KCNH8: variants seen among roughly 807,000 people sequenced by gnomAD.
KCNH8 encodes the protein voltage-gated delayed rectifier potassium channel KCNH8.
KCNH8 carries 70 observed loss-of-function variants against 103.6 expected under a neutral mutation model. The observed-to-expected ratio is 0.68, with a 90% CI of 0.56 to 0.82. The LOEUF (loss-of-function observed/expected upper bound fraction) is 0.82. Ranked by LOEUF, KCNH8 falls within the 40% of genes least tolerant of loss-of-function variation. The probability of loss-of-function intolerance (pLI) is 0.00; values close to 1 mark genes in which losing one functional copy is unlikely to be tolerated. For missense variants in KCNH8, 1,217 were observed against 1,329.9 expected, an observed-to-expected ratio of 0.92 and a Z score of 1.32; for synonymous variants, 498 against 489.4, an observed-to-expected ratio of 1.02 and a Z score of -0.23.
intron 1 of KCNH8, among the ~76,000 whole-genome samples, chr3:19,194,434 A>G (rs1277896888): frequency 1.3e-5 from 2 of 151,810 alleles, no homozygotes; most frequent in Admixed American, 1.3e-4. Context: ...GACAGGCTTA[A>G]CCCACACTAT....
At chr3:19,451,447 G>A in intron 10 of KCNH8, 43 bp downstream of exon 10, 1 of 1,590,506 alleles carries the variant, frequency 6.3e-7, no homozygotes, top group Admixed American at 1.7e-5. Flanking sequence ...TGACTCTGGA[G>A]CATAAATTAA....
At chr3:19,249,231 TTTC>T (rs941466790) in intron 1 of KCNH8, among the ~76,000 whole-genome samples, 5 of 152,186 alleles carry the variant, frequency 3.3e-5, no homozygotes, top group African/African-American at 1.2e-4. Context: ...AAATGTCATG[TTTC>T]TTCTTTAGGG....
intron 5 of KCNH8, among the ~76,000 whole-genome samples, chr3:19,389,568 C>T (rs1036782864): frequency 1.6e-4 from 25 of 152,024 alleles, no homozygotes; most frequent in African/African-American, 6.0e-4. Context: ...AACTTTTATA[C>T]ATGGAAATAA....
chr3:19,383,768 T>C (rs1169162981), intron 5 of KCNH8, among the ~76,000 whole-genome samples: 2 of 152,202 alleles, frequency 1.3e-5, no homozygotes, highest in Non-Finnish European at 2.9e-5. Context: ...AATTGCATGA[T>C]TGAATATTAT....
intron 5 of KCNH8, among the ~76,000 whole-genome samples, chr3:19,380,053 C>T (rs986471405): frequency 6.6e-6 from 1 of 151,864 alleles, no homozygotes; most frequent in Non-Finnish European, 1.5e-5. Flanking sequence ...CAACCTATAC[C>T]CTGTGAAGAA....
At position 19,347,957 on chromosome 3, in the gene KCNH8, T is replaced by C. The variant is rs2065750452; in HGVS notation, c.803T>C (p.Phe268Ser). The C allele has an allele frequency of 1.2e-6, 2 of 1,612,714 alleles. No homozygotes were observed. Among genetic ancestry groups the C allele is most frequent in the Non-Finnish European group, 1.7e-6 (2 of 1,179,136 alleles). The part of the protein sequence containing the change: ...TVSDIAVEIL[F>S]IIDIILNFRT... The stretch of plus-strand genomic sequence containing the variant: ...AGTGACATTGCAGTGGAGATTCTTT[T>C]TATTATAGGTAAGAACAAACAGCTG... The change falls in exon 5 of 16, where the codon TTT (phenylalanine) becomes TCT (serine). Residue 268 changes from phenylalanine (F) to serine (S), a missense_variant. By Grantham distance (155) the Phe-to-Ser change is radical. This residue lies in a region of KCNH8 where 415 missense variants were observed against 577.4 expected (regional missense o/e 0.72). Transcript: ENST00000328405.
chr3:19,490,250 A>G (rs951152197), intron 11 of KCNH8, among the ~76,000 whole-genome samples: 1 of 152,226 alleles, frequency 6.6e-6, no homozygotes, highest in African/African-American at 2.4e-5. Flanking sequence ...GATGAGCTGC[A>G]GACAAGAACC....
rs1192237604 is a variant in KCNH8, at chr3:19,403,391, TA to T, written c.1177+8081del. On this transcript the variant is annotated intron_variant, in intron 7 of 15. Transcript: ENST00000328405. ...ATATATATATATATATATATATATA[TA>T]TATATATAAAATCCTTCTGTTTATG... 5.5e-3 allele frequency among the ~76,000 whole-genome samples: 526 copies of T among 95,742 alleles called. 5 individuals carry two copies. Among genetic ancestry groups the T allele is most frequent in the Middle Eastern group, 0.023 (4 of 176 alleles). The allele number at this position is 95,742 out of a possible 152,430, so 62.8% of individuals were successfully genotyped here. A position where few individuals can be genotyped will look rare whatever the true frequency, so the allele number is the denominator to read the frequency against.
chr3:19,513,855 C>A (rs1348666374), intron 13 of KCNH8, among the ~76,000 whole-genome samples: 7 of 152,140 alleles, frequency 4.6e-5, no homozygotes, highest in African/African-American at 1.7e-4. Flanking sequence ...TCTTAAAAAT[C>A]ACTTTAGAAT....
intron 11 of KCNH8, among the ~76,000 whole-genome samples, chr3:19,493,888 C>A (rs1200656225): frequency 6.6e-6 from 1 of 152,014 alleles, no homozygotes; most frequent in Non-Finnish European, 1.5e-5. Context: ...GGTACATGTG[C>A]AGGTTTGCTA....
intron 1 of KCNH8, among the ~76,000 whole-genome samples, chr3:19,244,781 G>A (rs1437296991): frequency 3.3e-5 from 5 of 151,924 alleles, no homozygotes; most frequent in Non-Finnish European, 7.4e-5. Context: ...TTTGAGAAGT[G>A]TCTGTTCATG....
intron 1 of KCNH8, among the ~76,000 whole-genome samples, chr3:19,219,720 C>T (rs2063853445): frequency 6.6e-6 from 1 of 152,076 alleles, no homozygotes; most frequent in South Asian, 2.1e-4. Context: ...TCTGAGAGCT[C>T]AAAGCATTCT....
chr3:19,401,231 G>A (rs1430323523), intron 7 of KCNH8, among the ~76,000 whole-genome samples: 1 of 151,920 alleles, frequency 6.6e-6, no homozygotes, highest in African/African-American at 2.4e-5. Context: ...CTGCACACCG[G>A]ACTGTGGGTG....
intron 1 of KCNH8, among the ~76,000 whole-genome samples, chr3:19,250,044 C>T (rs368988988): frequency 1.4e-4 from 21 of 152,232 alleles, no homozygotes; most frequent in Admixed American, 7.9e-4. Context: ...GACCAGGCTA[C>T]GCAACATGAC....
intron 1 of KCNH8, among the ~76,000 whole-genome samples, chr3:19,168,318 C>T (rs1387546162): frequency 1.3e-5 from 2 of 152,044 alleles, no homozygotes; most frequent in African/African-American, 2.4e-5. Context: ...TGAGCCACCG[C>T]GCCCGGCCCT....
At chr3:19,242,870 C>T (rs1472325177) in intron 1 of KCNH8, among the ~76,000 whole-genome samples, 2 of 152,172 alleles carry the variant, frequency 1.3e-5, no homozygotes, top group African/African-American at 2.4e-5. Context: ...TTTGAGAAAC[C>T]GTGGGTTTGG....
chr3:19,482,824 G>A (rs146099455), intron 11 of KCNH8, among the ~76,000 whole-genome samples: 5 of 152,284 alleles, frequency 3.3e-5, no homozygotes, highest in African/African-American at 9.6e-5. Context: ...GTAGTAGAGA[G>A]CTAATCTATT....
chr3:19,308,651 TCTCTCTCTC>T (rs1347304207), intron 3 of KCNH8, among the ~76,000 whole-genome samples: 3 of 1,210 alleles, frequency 2.5e-3, no homozygotes, highest in Non-Finnish European at 7.1e-3. Flanking sequence ...AATGTTGGGG[TCTCTCTCTC>T]TCTCTCTCTC....
intron 11 of KCNH8, among the ~76,000 whole-genome samples, chr3:19,490,409 GGATT>G (rs1183596870): frequency 6.6e-6 from 1 of 152,156 alleles, no homozygotes; most frequent in Non-Finnish European, 1.5e-5. Context: ...GAGAGGGTCG[GGATT>G]GATTGAGCAA....
Sources: gnomAD v4.1 joint callset for allele counts (sites outside exome capture counted in the v4.1 genomes callset) on GRCh38, gnomAD v4.1.1 for gene constraint, gnomAD v4.1.1 regional missense constraint, MANE v1.5 for transcripts, NCBI Gene and HGNC (gene_info 2026-07-23, HGNC 2026-07-21) for gene names.